FGD1: variants seen among roughly 807,000 people sequenced by gnomAD.
FGD1 encodes the protein FYVE, RhoGEF and PH domain-containing protein 1.
A neutral mutation model predicts 65.0 loss-of-function variants in FGD1; 12 were observed. The observed-to-expected ratio is 0.18, with a 90% CI of 0.12 to 0.30. The LOEUF is 0.30. FGD1 is among the 10% of genes least tolerant of loss of function. The pLI is 1.00. For synonymous variants in FGD1, 333 were observed against 343.9 expected (o/e 0.97, Z 0.35); for missense variants, 542 against 837.6 (o/e 0.65, Z 4.36).
intron 1 of FGD1, among the ~76,000 whole-genome samples, chrX:54,477,293 C>T (rs5961070): frequency 0.16 from 17,587 of 111,603 alleles, 2,246 homozygotes; most frequent in African/African-American, 0.43. Flanking sequence ...AATCTTGACC[C>T]TTACCCTCAG....
chrX:54,479,667 T>C (rs764818309), intron 1 of FGD1, among the ~76,000 whole-genome samples: 18 of 108,558 alleles, frequency 1.7e-4, no homozygotes, highest in Non-Finnish European at 3.2e-4. Flanking sequence ...ACAGCTGGAA[T>C]TCCTGGGGGT....
chrX:54,461,328 C>A (rs1234644587), intron 8 of FGD1, among the ~76,000 whole-genome samples: 3 of 109,667 alleles, frequency 2.7e-5, no homozygotes, highest in African/African-American at 1.0e-4. Context: ...GTTGGCCGGG[C>A]ACGGTGGCTC....
intron 1 of FGD1, among the ~76,000 whole-genome samples, chrX:54,490,730 A>G (rs1224913820): frequency 9.0e-6 from 1 of 111,368 alleles, no homozygotes; most frequent in Non-Finnish European, 1.9e-5. Context: ...TTGTATATAG[A>G]TGGCCCCACC....
chrX:54,474,015 A>T (rs1379712495), intron 1 of FGD1, among the ~76,000 whole-genome samples: 1 of 110,785 alleles, frequency 9.0e-6, no homozygotes, highest in Non-Finnish European at 1.9e-5. Context: ...AGGAAGATAC[A>T]CATAGTTTAT....
intron 16 of FGD1, among the ~76,000 whole-genome samples, chrX:54,447,880 G>C (rs1922269991): frequency 8.9e-6 from 1 of 112,095 alleles, no homozygotes; most frequent in Admixed American, 9.5e-5. Flanking sequence ...TAGAATCCCA[G>C]CTCTAGATGA....
chrX:54,468,769 C>A lies in FGD1; in HGVS notation c.1191+18G>T, dbSNP rs1008976104. On this transcript the variant is annotated intron_variant, in intron 5 of 17. Transcript: ENST00000375135. Reference sequence around the variant, plus strand: ...CTACAAGGTCCTGGGGCCCTCGTACCCCCAAGGGGCCACTCACCTGATCCA... The same window carrying A: ...CTACAAGGTCCTGGGGCCCTCGTACACCCAAGGGGCCACTCACCTGATCCA... The A allele has an allele frequency of 5.1e-6, 6 of 1,169,058 alleles. No individual in the cohort carries two copies. Among genetic ancestry groups the A allele is most frequent in the Non-Finnish European group, 7.0e-6 (6 of 859,353 alleles).
At chrX:54,478,686 G>A (rs1923073933) in intron 1 of FGD1, among the ~76,000 whole-genome samples, 1 of 110,883 alleles carries the variant, frequency 9.0e-6, no homozygotes, top group Non-Finnish European at 1.9e-5. Flanking sequence ...GACAAGGAAG[G>A]GAAAGAGCAC....
chrX:54,461,130 TG>T (rs1192514166), intron 8 of FGD1, among the ~76,000 whole-genome samples: 2 of 111,511 alleles, frequency 1.8e-5, no homozygotes, highest in Admixed American at 9.6e-5. Context: ...AATTTTCACC[TG>T]GGGATGTTAC....
At chrX:54,485,659 C>T (rs1037245601) in intron 1 of FGD1, among the ~76,000 whole-genome samples, 2 of 111,146 alleles carry the variant, frequency 1.8e-5, no homozygotes, top group Non-Finnish European at 3.8e-5. Flanking sequence ...TTTGTAGAGA[C>T]GGGGTCTCAC....
At chrX:54,484,733 C>T (rs1377955757) in intron 1 of FGD1, among the ~76,000 whole-genome samples, 2 of 112,776 alleles carry the variant, frequency 1.8e-5, no homozygotes, top group Non-Finnish European at 3.8e-5. Flanking sequence ...AACTGGGCAC[C>T]AGAGCCCAGA....
intron 1 of FGD1, among the ~76,000 whole-genome samples, chrX:54,493,988 CTCT>C (rs1225066263): frequency 8.9e-6 from 1 of 112,755 alleles, no homozygotes; most frequent in Non-Finnish European, 1.9e-5. Context: ...ATGTGCGCTG[CTCT>C]TCTTCTGTGG....
chrX:54,485,919 C>T (rs781400992), intron 1 of FGD1, among the ~76,000 whole-genome samples: 117 of 108,564 alleles, frequency 1.1e-3, no homozygotes, highest in African/African-American at 3.7e-3. Flanking sequence ...GGACTACAGG[C>T]GTGCGCCACC....
intron 6 of FGD1, among the ~76,000 whole-genome samples, chrX:54,466,755 G>GTTTT (rs59381335): frequency 1.1e-5 from 1 of 89,584 alleles, no homozygotes. Flanking sequence ...TTGTTTGTTT[G>GTTTT]TTTTTTTTTT....
chrX:54,445,802 A>T lies in FGD1; in HGVS notation c.*307T>A, dbSNP rs1285781685. The T allele has an allele frequency of 1.2e-5, 3 of 249,072 alleles. No individual in the cohort carries two copies. The highest frequency in any genetic ancestry group is 6.9e-5 in the Admixed American group (1 of 14,497). The allele number at this position is 249,072 out of a possible 1,213,427, so 20.5% of individuals were successfully genotyped here. A position where few individuals can be genotyped will look rare whatever the true frequency, so the allele number is the denominator to read the frequency against. ...TTGTGGGGAACTGGGTGGAGGCAGGATCTGTGGTAGGGTATTGAGGGATGA... is the reference window on the plus strand; with the variant it reads ...TTGTGGGGAACTGGGTGGAGGCAGGTTCTGTGGTAGGGTATTGAGGGATGA... On this transcript the variant is annotated 3_prime_UTR_variant, in exon 18 of 18. Coordinates refer to ENST00000375135, the MANE Select transcript of FGD1 (RefSeq NM_004463.3).
chrX:54,489,102 G>T (rs1365791691), intron 1 of FGD1, among the ~76,000 whole-genome samples: 1 of 112,228 alleles, frequency 8.9e-6, no homozygotes, highest in Non-Finnish European at 1.9e-5. Context: ...TATCAACAGA[G>T]TAAACAACCT....
intron 1 of FGD1, among the ~76,000 whole-genome samples, chrX:54,484,612 A>T (rs1384421505): frequency 3.8e-5 from 4 of 104,151 alleles, no homozygotes; most frequent in African/African-American, 1.2e-4. Flanking sequence ...GTGAACCAAT[A>T]GCAGAGCTAG....
intron 10 of FGD1, among the ~76,000 whole-genome samples, chrX:54,456,019 G>GA (rs1293747033): frequency 1.8e-5 from 2 of 111,852 alleles, no homozygotes; most frequent in Non-Finnish European, 3.8e-5. Context: ...GTAAAGTGGA[G>GA]AAAAAAAATC....
At chrX:54,455,144 C>T (rs1922468005) in intron 12 of FGD1, among the ~76,000 whole-genome samples, 2 of 112,414 alleles carry the variant, frequency 1.8e-5, no homozygotes, top group South Asian at 7.3e-4. Flanking sequence ...ACATCCCATT[C>T]TTCTCTCTCC....
In FGD1 at chrX:54,445,681, G is replaced by A. The variant is rs187493998; in HGVS notation, c.*428C>T. ...GTTGCCACCCCACGTGGAGTTGTAC[G>A]TGTGAAGACACTGGCTGAGGAGGCA... On this transcript the variant is annotated 3_prime_UTR_variant, in exon 18 of 18. Coordinates refer to ENST00000375135, the MANE Select transcript of FGD1 (RefSeq NM_004463.3). 5.1e-3 allele frequency: 691 copies of A among 134,675 alleles called. 2 individuals are homozygous for A. The highest frequency in any genetic ancestry group is 0.013 in the Middle Eastern group (4 of 299). The allele number at this position is 134,675 out of a possible 1,213,427, so 11.1% of individuals were successfully genotyped here. A position where few individuals can be genotyped will look rare whatever the true frequency, so the allele number is the denominator to read the frequency against.
Sources: gnomAD v4.1 joint callset for allele counts (sites outside exome capture counted in the v4.1 genomes callset) on GRCh38, gnomAD v4.1.1 for gene constraint, MANE v1.5 for transcripts, NCBI Gene and HGNC (gene_info 2026-07-23, HGNC 2026-07-21) for gene names.